Variants in USP35 observed in about 807,000 individuals in gnomAD.
USP35 encodes ubiquitin carboxyl-terminal hydrolase 35.
A neutral mutation model predicts 83.8 loss-of-function variants in USP35; 69 were observed. The ratio of observed to expected loss-of-function variants is 0.82; its 90% confidence interval spans 0.68 to 1.01. The LOEUF (loss-of-function observed/expected upper bound fraction) is 1.01. Ranked by LOEUF, USP35 falls within the 50% of genes least tolerant of loss-of-function variation. The pLI, the probability that USP35 is intolerant of heterozygous loss-of-function variation, is 0.00. For missense variants in USP35, 1,503 were observed against 1,362.5 expected (o/e 1.10, Z -1.62); for synonymous variants, 714 against 589.5 (o/e 1.21, Z -3.06).
At position 78,210,744 on chromosome 11, in the gene USP35, G is replaced by C; in HGVS notation, c.2889G>C (p.Gln963His). The C allele has an allele frequency of 3.2e-6, 5 of 1,539,568 alleles. No individual in the cohort carries two copies. Among genetic ancestry groups the C allele is most frequent in the Non-Finnish European group, 4.4e-6 (5 of 1,142,994 alleles). Reference sequence around the variant, plus strand: ...CCAAAGACAACATCCTTTACCTACAGGTGAGCTGAGCCGTGGGGCCTTTGA... The same window carrying C: ...CCAAAGACAACATCCTTTACCTACACGTGAGCTGAGCCGTGGGGCCTTTGA... ...AISKDNILYL[Q>H]EQEKEARSRA... is the part of the protein sequence containing the mutation. The change falls in exon 10 of 11, where the codon CAG (glutamine) becomes CAC (histidine). Residue 963 changes from glutamine to histidine, a missense_variant and splice_region_variant. Physicochemically the swap from Gln to His is conservative, Grantham distance 24. Coordinates refer to ENST00000529308, the MANE Select transcript of USP35 (RefSeq NM_020798.4).
the USP35 span, among the ~76,000 whole-genome samples, chr11:78,225,645 T>G: frequency 6.6e-6 from 1 of 152,260 alleles, no homozygotes; most frequent in South Asian, 2.1e-4. Context: ...GGAGTATGAC[T>G]GCTCAAATTG....
Position 78,213,959 on chromosome 11 carries a change from CT to C in USP35, c.*147del. 2 of 877,942 alleles carry C rather than the reference CT, an allele frequency of 2.3e-6. No individual in the cohort carries two copies. Among genetic ancestry groups the C allele is most frequent in the Non-Finnish European group, 3.2e-6 (2 of 622,908 alleles). 54.4% of individuals were successfully genotyped at this position (877,942 alleles called of 1,614,324 possible). On this transcript the variant is annotated 3_prime_UTR_variant, in exon 11 of 11. Coordinates refer to ENST00000529308, the MANE Select transcript of USP35 (RefSeq NM_020798.4). ...GCCTGATGAAGGGTACACAGAGATTCTCTCAGATATGGAAGTAAGACCTAAG... is the reference window on the plus strand; with the variant it reads ...GCCTGATGAAGGGTACACAGAGATTCCTCAGATATGGAAGTAAGACCTAAG...
chr11:78,220,554 C>CA, the USP35 span: 2 of 851,294 alleles, frequency 2.3e-6, no homozygotes, highest in African/African-American at 3.4e-5. Context: ...CCTACTCTGA[C>CA]ACATGCACCA....
chr11:78,209,405 G>T (rs771711448), intron 9 of USP35, 43 bp from the exon 10 acceptor site: 1 of 1,517,610 alleles, frequency 6.6e-7, no homozygotes, highest in Non-Finnish European at 8.8e-7. Context: ...CCCCGGAAGG[G>T]GACCCGCATG....
chr11:78,235,848 A>T, the USP35 span, among the ~76,000 whole-genome samples: 7 of 152,180 alleles, frequency 4.6e-5, no homozygotes, highest in African/African-American at 1.7e-4. Context: ...TGAGCCCTCC[A>T]AACTGTTCCA....
Position 78,205,862 on chromosome 11 carries a change from G to A in USP35, c.1218G>A (p.Glu406=), listed in dbSNP as rs1483173662. ...EAIKDLHVPN[E]DRIKQLLGQD... is the part of the protein sequence containing the mutation. Reference sequence around the variant, plus strand: ...CTCAGGACCTCCATGTTCCCAATGAGGACCGCATCAAGCAGCTGCTGGGGC... The same window carrying A: ...CTCAGGACCTCCATGTTCCCAATGAAGACCGCATCAAGCAGCTGCTGGGGC... The change falls in exon 7 of 11, where the codon GAG becomes GAA. Residue 406 remains glutamate, a synonymous_variant. Coordinates refer to ENST00000529308, the MANE Select transcript of USP35 (RefSeq NM_020798.4). 3 of 1,613,900 alleles carry A rather than the reference G, an allele frequency of 1.9e-6. No individual in the cohort carries two copies. The highest frequency in any genetic ancestry group is 3.3e-5 in the Admixed American group (2 of 60,014).
the USP35 span, chr11:78,225,157 C>G: frequency 3.7e-6 from 6 of 1,613,620 alleles, no homozygotes; most frequent in Non-Finnish European, 5.1e-6. Context: ...CCGGCCTGCA[C>G]TCTCTCCACC....
the USP35 span, chr11:78,220,447 G>A: frequency 6.4e-7 from 1 of 1,564,094 alleles, no homozygotes. Context: ...GGGTTTTGCT[G>A]TCACGAGGAG....
At position 78,206,803 on chromosome 11, in the gene USP35, C is replaced by T. The variant is rs1052670734; in HGVS notation, c.1392-727C>T. Among the ~76,000 whole-genome samples, 3 of 152,208 alleles carry T rather than the reference C, an allele frequency of 2.0e-5. No homozygotes were observed. In the South Asian group the frequency reaches 6.2e-4, roughly 31 times the overall value. The stretch of plus-strand genomic sequence containing the variant: ...TCTGAACTTACCTTGTTCTGAGACC[C>T]AGAGCTGCTTGTGAGAACAGGAGAT... On this transcript the variant is annotated intron_variant, in intron 7 of 10. Coordinates refer to ENST00000529308, the MANE Select transcript of USP35 (RefSeq NM_020798.4).
Position 78,200,683 on chromosome 11 carries a change from C to T in USP35, c.1072C>T (p.Leu358=), listed in dbSNP as rs761604112. Residue 358 remains leucine (L), a synonymous_variant, in exon 6 of 11, where the codon CTG becomes TTG. Coordinates refer to ENST00000529308, the MANE Select transcript of USP35 (RefSeq NM_020798.4). The part of the protein sequence containing the change: ...LPHIPPMVAS[L]VKEDSNSGTS... ...TCACATCCCCCCCATGGTGGCCTCT[C>T]TGGTCAAGGAGGACTCGAACTCGGG... The T allele has an allele frequency of 6.2e-7, 1 of 1,613,452 alleles. No homozygotes were observed. Among genetic ancestry groups the T allele is most frequent in the Non-Finnish European group, 8.5e-7 (1 of 1,179,590 alleles).
downstream of USP35, chr11:78,219,044 T>TA (rs1159074464): frequency 1.9e-6 from 1 of 536,404 alleles, no homozygotes; most frequent in African/African-American, 1.9e-5. Context: ...GCATGGCCAT[T>TA]ACTGATAAAA....
chr11:78,207,546 C>T lies in USP35; in HGVS notation c.1408C>T (p.Leu470Phe). 3 of 1,614,152 alleles carry T rather than the reference C, an allele frequency of 1.9e-6. No homozygotes were observed. The highest frequency in any genetic ancestry group is 1.6e-4 in the Middle Eastern group (1 of 6,062). ...GTTTTGAAGCTTCAGACATTGTGTG[C>T]TCCGCTTGACTGAGAACAACTCACA... is the stretch of plus-strand genomic sequence containing the variant. ...FMASDFRHCV[L>F]RLTENNSQPL... The change falls in exon 8 of 11, where the codon CTC (leucine) becomes TTC (phenylalanine). Residue 470 changes from leucine (L) to phenylalanine (F), a missense_variant. Physicochemically the swap from Leu to Phe is conservative, Grantham distance 22. Transcript: ENST00000529308.
rs1555090284 is a variant in USP35, at chr11:78,214,383, GGGGGGGC to G, written c.*578_*584del. The G allele has an allele frequency of 2.3e-5, 3 of 131,766 alleles. No homozygotes were observed. The highest frequency in any genetic ancestry group is 3.3e-5 in the Non-Finnish European group (2 of 60,196). 8.2% of individuals were successfully genotyped at this position (131,766 alleles called of 1,614,324 possible). A position where few individuals can be genotyped will look rare whatever the true frequency, so the allele number is the denominator to read the frequency against. ...CAAGCGCCACTGCATGGTTTTGGGGGGGGGGGCGGGGGGCTAGCTTCTCACAGCAGGA... is the reference window on the plus strand; with the variant it reads ...CAAGCGCCACTGCATGGTTTTGGGGGGGGGGGCTAGCTTCTCACAGCAGGA... On this transcript the variant is annotated 3_prime_UTR_variant, in exon 11 of 11. Transcript: ENST00000529308.
intron 1 of USP35, among the ~76,000 whole-genome samples, chr11:78,193,702 G>A (rs1314853053): frequency 6.6e-6 from 1 of 152,054 alleles, no homozygotes; most frequent in African/African-American, 2.4e-5. Context: ...ACCTTTATGG[G>A]AACCAGAATG....
intron 8 of USP35, among the ~76,000 whole-genome samples, chr11:78,208,653 A>G (rs748586250): frequency 6.6e-5 from 10 of 152,320 alleles, no homozygotes; most frequent in Middle Eastern, 3.4e-3. Flanking sequence ...TCTGAGCCCA[A>G]TGCCCTGCTC....
Position 78,200,724 on chromosome 11 carries a change from G to T in USP35, c.1113G>T (p.Glu371Asp), listed in dbSNP as rs1174837798. 6.2e-7 allele frequency: 1 copy of T among 1,614,076 alleles called. No individual in the cohort carries two copies. Among genetic ancestry groups the T allele is most frequent in the Non-Finnish European group, 8.5e-7 (1 of 1,180,030 alleles). The change falls in exon 6 of 11, where the codon GAG (glutamate) becomes GAT (aspartate). Residue 371 changes from glutamate to aspartate, a missense_variant. Coordinates refer to ENST00000529308, the MANE Select transcript of USP35 (RefSeq NM_020798.4). ...CGAACTCGGGGACCAGCTGCCTGGA[G>T]CAGCTGGCGGAGCTGGTCCACTGCA... ...EDSNSGTSCLEQLAELVHCMV... is the reference protein window; with the variant it reads ...EDSNSGTSCLDQLAELVHCMV...
Position 78,215,044 on chromosome 11 carries a change from C to CTAAGTGACCTG in USP35, c.*1233_*1243dup, listed in dbSNP as rs2134435421. Among the ~76,000 whole-genome samples, 1 of 152,222 alleles carries CTAAGTGACCTG rather than the reference C, an allele frequency of 6.6e-6. No homozygotes were observed. Among genetic ancestry groups the CTAAGTGACCTG allele is most frequent in the South Asian group, 2.1e-4 (1 of 4,826 alleles). On this transcript the variant is annotated 3_prime_UTR_variant, in exon 11 of 11. Coordinates refer to ENST00000529308, the MANE Select transcript of USP35 (RefSeq NM_020798.4). Reference sequence around the variant, plus strand: ...GTCACAGACCCTCAAGATGTCACATCTAAGTGACCTGTGAAAGCAGCAGAC... The same window carrying CTAAGTGACCTG: ...GTCACAGACCCTCAAGATGTCACATCTAAGTGACCTGTAAGTGACCTGTGAAAGCAGCAGAC...
In USP35 at chr11:78,209,724, C is replaced by T. The variant is rs1037194878; in HGVS notation, c.1869C>T (p.Ala623=). The change falls in exon 10 of 11, where the codon GCC becomes GCT. Residue 623 remains alanine (A), a synonymous_variant. Coordinates refer to ENST00000529308, the MANE Select transcript of USP35 (RefSeq NM_020798.4). Reference sequence around the variant, plus strand: ...TGCGCCCCACAGAAGACATCACAGCCCGGGAGTTGCCCCCACCAACCAGTG... The same window carrying T: ...TGCGCCCCACAGAAGACATCACAGCTCGGGAGTTGCCCCCACCAACCAGTG... ...SVMRPTEDIT[A]RELPPPTSAQ... 10 of 1,613,932 alleles carry T rather than the reference C, an allele frequency of 6.2e-6. No homozygotes were observed. The highest frequency in any genetic ancestry group is 8.5e-6 in the Non-Finnish European group (10 of 1,179,990).
At chr11:78,191,131 A>G (rs999197134) in intron 1 of USP35, among the ~76,000 whole-genome samples, 1 of 152,034 alleles carries the variant, frequency 6.6e-6, no homozygotes, top group Non-Finnish European at 1.5e-5. Flanking sequence ...AGGGCGTGGC[A>G]GTGGGGCTGA....
Sources: gnomAD v4.1 joint callset for allele counts (sites outside exome capture counted in the v4.1 genomes callset) on GRCh38, gnomAD v4.1.1 for gene constraint, MANE v1.5 for transcripts, NCBI Gene and HGNC (gene_info 2026-07-23, HGNC 2026-07-21) for gene names.